EZH2: variants seen among roughly 807,000 people sequenced by gnomAD.
The protein encoded by EZH2 is enhancer of zeste 2 polycomb repressive complex 2 subunit.
Under a neutral mutation model 98.4 loss-of-function variants are expected in EZH2, and 18 were observed. The ratio of observed to expected loss-of-function variants is 0.18; its 90% CI spans 0.13 to 0.27. The LOEUF is 0.27. Among genes scored for constraint, EZH2 ranks in the 10% least tolerant of loss-of-function variants. The pLI, the probability that EZH2 is intolerant of heterozygous loss-of-function variation, is 1.00. For missense variants in EZH2, 470 were observed against 935.1 expected (o/e 0.50, Z 6.49); for synonymous variants, 338 against 312.3 (o/e 1.08, Z -0.87).
chr7:148,814,283 G>T, intron 14 of EZH2, 146 bp from the exon 15 acceptor site: 1 of 688,416 alleles, frequency 1.5e-6, no homozygotes, highest in Non-Finnish European at 2.4e-6. Flanking sequence ...CAAGGAAATG[G>T]AAGTATTAAC....
chr7:148,875,269 AT>A (rs1820020288), intron 1 of EZH2, among the ~76,000 whole-genome samples: 1 of 152,220 alleles, frequency 6.6e-6, no homozygotes, highest in South Asian at 2.1e-4. Flanking sequence ...AATTTATCTG[AT>A]TATGCTTCCC....
intron 1 of EZH2, among the ~76,000 whole-genome samples, chr7:148,883,808 C>T (rs982640422): frequency 6.6e-6 from 1 of 151,968 alleles, no homozygotes; most frequent in Admixed American, 6.5e-5. Context: ...GAGGCTCGAG[C>T]TGCCACCCTG....
intron 3 of EZH2, among the ~76,000 whole-genome samples, chr7:148,843,208 CA>C (rs35317881): frequency 0.12 from 8,924 of 75,950 alleles, 334 homozygotes; most frequent in African/African-American, 0.19. Context: ...AACTCCGTCT[CA>C]AAAAAAAAAA....
At chr7:148,824,468 T>C (rs552991951) in intron 8 of EZH2, among the ~76,000 whole-genome samples, 4 of 152,348 alleles carry the variant, frequency 2.6e-5, no homozygotes, top group South Asian at 2.1e-4. Flanking sequence ...GATTTAAACA[T>C]ACAAATACTT....
chr7:148,866,626 A>G (rs1818558253), intron 1 of EZH2, among the ~76,000 whole-genome samples: 1 of 146,452 alleles, frequency 6.8e-6, no homozygotes, highest in Non-Finnish European at 1.5e-5. Context: ...ATATGCATAT[A>G]TGTATATATA....
At chr7:148,811,796 GAAAAC>G in intron 15 of EZH2, 76 bp from the exon 16 acceptor site, 1 of 1,237,950 alleles carries the variant, frequency 8.1e-7, no homozygotes, top group Non-Finnish European at 1.2e-6. Flanking sequence ...ACTACAGAAT[GAAAAC>G]AAAAGCTATC....
intron 12 of EZH2, among the ~76,000 whole-genome samples, chr7:148,816,071 T>C (rs1465197025): frequency 6.6e-6 from 1 of 152,230 alleles, no homozygotes; most frequent in African/African-American, 2.4e-5. Flanking sequence ...TTAAGAAGCA[T>C]AATCTAACTG....
At chr7:148,833,445 A>G (rs1809972510) in intron 3 of EZH2, among the ~76,000 whole-genome samples, 1 of 144,604 alleles carries the variant, frequency 6.9e-6, no homozygotes, top group Non-Finnish European at 1.5e-5. Flanking sequence ...CGACAGAGCG[A>G]AACTCCGTCT....
chr7:148,825,002 A>C (rs1471705041), intron 8 of EZH2, among the ~76,000 whole-genome samples: 1 of 152,230 alleles, frequency 6.6e-6, no homozygotes, highest in Non-Finnish European at 1.5e-5. Flanking sequence ...TGAATGGCAC[A>C]ATAAAAAACT....
chr7:148,849,029 T>C (rs1223575511), intron 1 of EZH2, among the ~76,000 whole-genome samples: 3 of 152,124 alleles, frequency 2.0e-5, no homozygotes, highest in South Asian at 2.1e-4. Flanking sequence ...GCCATGTAAA[T>C]AGTTGTTATA....
In EZH2 at chr7:148,871,581, T is replaced by C. The variant is rs529477515; in HGVS notation, c.-8+12583A>G. ...ATCCCACAAATAGTGTATTTTCTTT[T>C]TTTTTTTTTTTGAGCAGGGTCTTGT... On this transcript the variant is annotated intron_variant, in intron 1 of 19. Transcript: ENST00000320356. 9.4e-5 allele frequency among the ~76,000 whole-genome samples: 14 copies of C among 149,664 alleles called. No homozygotes were observed. The South Asian group carries it at 2.5e-3, about 27-fold the overall frequency.
At chr7:148,857,147 C>T (rs571634706) in intron 1 of EZH2, among the ~76,000 whole-genome samples, 15 of 152,330 alleles carry the variant, frequency 9.8e-5, no homozygotes, top group African/African-American at 3.4e-4. Flanking sequence ...AGAAAACATC[C>T]GATAAGCCGA....
chr7:148,826,874 A>G (rs1807860961), intron 7 of EZH2, among the ~76,000 whole-genome samples: 1 of 152,254 alleles, frequency 6.6e-6, no homozygotes, highest in Non-Finnish European at 1.5e-5. Flanking sequence ...ACTAAACATC[A>G]AATTTCTACC....
chr7:148,847,974 GCT>G (rs1814610143), intron 1 of EZH2, among the ~76,000 whole-genome samples: 1 of 152,154 alleles, frequency 6.6e-6, no homozygotes, highest in African/African-American at 2.4e-5. Flanking sequence ...TTAGTTGCAG[GCT>G]CTCAGAACCA....
chr7:148,879,928 G>A (rs77366963), intron 1 of EZH2, among the ~76,000 whole-genome samples: 2,274 of 152,142 alleles, frequency 0.015, 30 homozygotes, highest in South Asian at 0.024. Context: ...AACAAAGCAG[G>A]ATCCCATCTC....
At chr7:148,881,137 T>A (rs1820899770) in intron 1 of EZH2, among the ~76,000 whole-genome samples, 1 of 152,270 alleles carries the variant, frequency 6.6e-6, no homozygotes. Context: ...TATACTGATA[T>A]AAAGACTTCA....
intron 8 of EZH2, among the ~76,000 whole-genome samples, chr7:148,824,216 G>A (rs1248076433): frequency 1.4e-5 from 2 of 143,480 alleles, no homozygotes; most frequent in African/African-American, 5.0e-5. Context: ...TCAGGAGGCT[G>A]AGACAGGAGA....
rs1804827959 is a variant in EZH2, at chr7:148,817,386, T to C, written c.1246A>G (p.Asn416Asp). Residue 416 changes from asparagine (N) to aspartate (D), a missense_variant, in exon 11 of 20, where the codon AAT becomes GAT. This residue lies in a region of EZH2 where 192 missense variants were observed against 306.8 expected (regional missense o/e 0.63). Coordinates refer to ENST00000320356, the MANE Select transcript of EZH2 (RefSeq NM_004456.5). ...KDETSSSSEA[N>D]SRCQTPIKMK... ...TTTATTGGTGTTTGACACCGAGAAT[T>C]TGCTTCTACAAAACCAAATGTAAGC... 6.2e-7 allele frequency: 1 copy of C among 1,612,416 alleles called. No homozygotes were observed. The highest frequency in any genetic ancestry group is 8.5e-7 in the Non-Finnish European group (1 of 1,179,638).
intron 16 of EZH2, among the ~76,000 whole-genome samples, chr7:148,810,739 C>A (rs554950204): frequency 6.6e-6 from 1 of 152,132 alleles, no homozygotes; most frequent in South Asian, 2.1e-4. Context: ...GAGGCCGAGG[C>A]GGGCAGATCA....
Sources: allele counts gnomAD v4.1 joint callset (sites outside exome capture counted in the v4.1 genomes callset), GRCh38; gene constraint gnomAD v4.1.1; regional missense constraint gnomAD v4.1.1; transcripts MANE v1.5; gene names NCBI Gene and HGNC (gene_info 2026-07-23, HGNC 2026-07-21).